The following SORCS1 variants were observed in gnomAD, a reference collection of about 807,000 sequenced individuals.
The protein encoded by SORCS1 is VPS10 domain-containing receptor SorCS1.
A neutral mutation model predicts 146.1 loss-of-function variants in SORCS1; 60 were observed. The observed-to-expected ratio is 0.41, with a 90% confidence interval of 0.33 to 0.51. SORCS1 has a LOEUF of 0.51. Among genes scored for constraint, SORCS1 ranks in the 20% least tolerant of loss-of-function variants. SORCS1 has a pLI of 0.21. For synonymous variants in SORCS1, 637 were observed against 584.0 expected, an observed-to-expected ratio of 1.09 and a Z score of -1.31; for missense variants, 1,352 against 1,487.6, an observed-to-expected ratio of 0.91 and a Z score of 1.50.
intron 1 of SORCS1, among the ~76,000 whole-genome samples, chr10:106,999,407 A>G (rs1957125630): frequency 6.6e-6 from 1 of 152,324 alleles, no homozygotes; most frequent in East Asian, 1.9e-4. Flanking sequence ...GTCCTGTTTC[A>G]TTAACAGGAG....
intron 2 of SORCS1, among the ~76,000 whole-genome samples, chr10:106,870,751 G>A (rs1473539205): frequency 6.6e-6 from 1 of 152,064 alleles, no homozygotes; most frequent in Non-Finnish European, 1.5e-5. Flanking sequence ...GACAACCTAG[G>A]CAATACCATC....
intron 1 of SORCS1, among the ~76,000 whole-genome samples, chr10:107,037,229 G>A (rs1958942438): frequency 6.6e-6 from 1 of 152,206 alleles, no homozygotes; most frequent in African/African-American, 2.4e-5. Flanking sequence ...CTGGGTGACA[G>A]ACTGAGACTG....
intron 2 of SORCS1, among the ~76,000 whole-genome samples, chr10:106,906,248 G>T (rs971040689): frequency 2.6e-5 from 4 of 152,306 alleles, no homozygotes; most frequent in Admixed American, 2.6e-4. Flanking sequence ...CCAAATAGCT[G>T]GGATTACAGG....
intron 1 of SORCS1, among the ~76,000 whole-genome samples, chr10:107,065,739 A>C (rs1165091437): frequency 6.6e-6 from 1 of 151,968 alleles, no homozygotes; most frequent in Non-Finnish European, 1.5e-5. Context: ...GCTGGTCTCG[A>C]ACTCCTGAGC....
At chr10:106,954,731 G>A (rs987858651) in intron 2 of SORCS1, among the ~76,000 whole-genome samples, 2 of 152,082 alleles carry the variant, frequency 1.3e-5, no homozygotes, top group African/African-American at 4.8e-5. Context: ...AAGCTCCTCC[G>A]AGACCCAATA....
upstream of SORCS1, among the ~76,000 whole-genome samples, chr10:107,165,371 TCCTAA>T (rs1232813295): frequency 1.3e-5 from 2 of 151,856 alleles, no homozygotes; most frequent in Non-Finnish European, 2.9e-5. This position sits in a 1 kb window ranked among gnomAD's most constrained non-coding sequence, Gnocchi z 4.0. Context: ...TAGATTTCTC[TCCTAA>T]CCTCCTAAAG....
At chr10:106,622,710 C>T (rs192680257) in intron 19 of SORCS1, among the ~76,000 whole-genome samples, 161 of 152,302 alleles carry the variant, frequency 1.1e-3, no homozygotes, top group Non-Finnish European at 2.1e-3. Context: ...GCTAACGACT[C>T]TGTTTTTCTT....
intron 6 of SORCS1, among the ~76,000 whole-genome samples, chr10:106,724,801 A>G (rs1856034358): frequency 6.6e-6 from 1 of 152,262 alleles, no homozygotes; most frequent in South Asian, 2.1e-4. Flanking sequence ...TGACTACAAA[A>G]TATGTGAACA....
At chr10:106,897,880 G>A (rs1951548405) in intron 2 of SORCS1, among the ~76,000 whole-genome samples, 1 of 152,206 alleles carries the variant, frequency 6.6e-6, no homozygotes, top group South Asian at 2.1e-4. Flanking sequence ...CGGTGTCTAG[G>A]CATTTGCTAA....
chr10:106,766,388 T>C (rs1206704521), intron 4 of SORCS1, among the ~76,000 whole-genome samples: 1 of 152,218 alleles, frequency 6.6e-6, no homozygotes, highest in East Asian at 1.9e-4. Flanking sequence ...AAGAAAGAGA[T>C]GGTACCTTAA....
At chr10:106,729,448 T>A (rs1159888812) in intron 6 of SORCS1, among the ~76,000 whole-genome samples, 1 of 152,026 alleles carries the variant, frequency 6.6e-6, no homozygotes, top group African/African-American at 2.4e-5. Context: ...TCTCTCTTTT[T>A]TTTTTTTTAA....
chr10:106,766,227 T>C (rs1384306954), intron 4 of SORCS1, among the ~76,000 whole-genome samples: 1 of 152,142 alleles, frequency 6.6e-6, no homozygotes, highest in African/African-American at 2.4e-5. Context: ...GGCCTGCAAA[T>C]TGTACTTCTT....
intron 1 of SORCS1, among the ~76,000 whole-genome samples, chr10:107,080,409 A>C (rs1005641937): frequency 6.6e-6 from 1 of 152,206 alleles, no homozygotes; most frequent in East Asian, 1.9e-4. Flanking sequence ...GACTGTGAAC[A>C]CTAACAATAC....
chr10:106,704,076 A>G (rs1854332079), intron 8 of SORCS1, among the ~76,000 whole-genome samples: 1 of 152,200 alleles, frequency 6.6e-6, no homozygotes, highest in Admixed American at 6.5e-5. Context: ...AACTGTCAGC[A>G]GTGATCTGTG....
At chr10:106,809,926 A>G (rs983941862) in intron 3 of SORCS1, among the ~76,000 whole-genome samples, 2 of 152,060 alleles carry the variant, frequency 1.3e-5, no homozygotes, top group South Asian at 2.1e-4. Context: ...GGGAGGTGAA[A>G]AATGTTTAAG....
intron 19 of SORCS1, among the ~76,000 whole-genome samples, chr10:106,628,427 T>A (rs1312246926): frequency 6.6e-6 from 1 of 152,206 alleles, no homozygotes; most frequent in Non-Finnish European, 1.5e-5. Flanking sequence ...ATAAAGGAGC[T>A]GCTTTCATTT....
chr10:106,898,691 G>A (rs1951583339), intron 2 of SORCS1, among the ~76,000 whole-genome samples: 2 of 152,098 alleles, frequency 1.3e-5, no homozygotes, highest in Admixed American at 1.3e-4. Flanking sequence ...GAAGACACAG[G>A]GCTGCCAGCC....
chr10:106,876,555 T>C lies in SORCS1; in HGVS notation c.627-46882A>G, dbSNP rs191908341. Among the ~76,000 whole-genome samples, 187 of 152,314 alleles carry C rather than the reference T, an allele frequency of 1.2e-3. 1 individual carries two copies. Among genetic ancestry groups the C allele is most frequent in the African/African-American group, 4.1e-3 (172 of 41,580 alleles). Reference sequence around the variant, plus strand: ...TCTAGGGAATGCCCTCTCTGGCTGCTTCCCAGAAGAAAAATGGTAAGTAAT... The same window carrying C: ...TCTAGGGAATGCCCTCTCTGGCTGCCTCCCAGAAGAAAAATGGTAAGTAAT... On this transcript the variant is annotated intron_variant, in intron 2 of 25. Coordinates refer to ENST00000263054, the MANE Select transcript of SORCS1 (RefSeq NM_052918.5).
intron 2 of SORCS1, among the ~76,000 whole-genome samples, chr10:106,872,039 T>C (rs1465987860): frequency 2.6e-5 from 4 of 152,220 alleles, no homozygotes; most frequent in Non-Finnish European, 5.9e-5. Context: ...AATACAAAAT[T>C]GATGTCCTCA....
Sources: allele counts gnomAD v4.1 joint callset (sites outside exome capture counted in the v4.1 genomes callset), GRCh38; gene constraint gnomAD v4.1.1; non-coding constraint Gnocchi (gnomAD v3.1); transcripts MANE v1.5; gene names NCBI Gene and HGNC (gene_info 2026-07-23, HGNC 2026-07-21).